The following CA8 variants were observed in gnomAD, a reference collection of about 807,000 sequenced individuals.
CA8 encodes carbonic anhydrase 8 (inactive).
A neutral mutation model predicts 41.4 loss-of-function variants in CA8; 22 were observed. The ratio of observed to expected loss-of-function variants is 0.53; its 90% CI spans 0.38 to 0.76. The LOEUF (loss-of-function observed/expected upper bound fraction) is 0.76. Ranked by LOEUF, CA8 falls within the 30% of genes least tolerant of loss-of-function variation. The pLI is 0.00. For missense variants in CA8, 270 were observed against 352.8 expected, an observed-to-expected ratio of 0.77 and a Z score of 1.88; for synonymous variants, 121 against 130.6, an observed-to-expected ratio of 0.93 and a Z score of 0.50.
intron 8 of CA8, among the ~76,000 whole-genome samples, chr8:60,196,289 C>T (rs1806279220): frequency 6.6e-6 from 1 of 152,142 alleles, no homozygotes; most frequent in Non-Finnish European, 1.5e-5. Flanking sequence ...TGCTAATCCT[C>T]CACAAAGCAC....
At chr8:60,226,200 C>A (rs2130477877) in intron 5 of CA8, among the ~76,000 whole-genome samples, 1 of 152,278 alleles carries the variant, frequency 6.6e-6, no homozygotes, top group Non-Finnish European at 1.5e-5. Flanking sequence ...GTTAACTCAG[C>A]AAGCCTGAGT....
intron 7 of CA8, among the ~76,000 whole-genome samples, chr8:60,220,250 A>C (rs748693203): frequency 9.7e-4 from 147 of 152,250 alleles, no homozygotes; most frequent in Non-Finnish European, 1.3e-3. Context: ...TACCTGGAGG[A>C]ACCAGAAACA....
chr8:60,208,478 G>A (rs1806718122), intron 8 of CA8: 1 of 413,412 alleles, frequency 2.4e-6, no homozygotes, highest in South Asian at 2.3e-5. Context: ...TTCTGGGCCT[G>A]AGGGTGTCTG....
intron 3 of CA8, among the ~76,000 whole-genome samples, chr8:60,262,917 T>C (rs1002200881): frequency 4.6e-5 from 7 of 151,922 alleles, no homozygotes; most frequent in African/African-American, 1.7e-4. Flanking sequence ...CCATTTAAAG[T>C]CCCAAATTGT....
intron 4 of CA8, among the ~76,000 whole-genome samples, chr8:60,230,890 T>G (rs549226179): frequency 6.6e-6 from 1 of 152,266 alleles, no homozygotes; most frequent in Admixed American, 6.5e-5. Flanking sequence ...TCACACCTAA[T>G]TCCATCCACA....
At chr8:60,214,458 T>G (rs528658507) in intron 7 of CA8, among the ~76,000 whole-genome samples, 1 of 152,100 alleles carries the variant, frequency 6.6e-6, no homozygotes, top group South Asian at 2.1e-4. Context: ...GAGAAGAAAA[T>G]CTCCAACAAA....
intron 8 of CA8, chr8:60,208,177 AGATT>A (rs1806705011): frequency 1.3e-5 from 2 of 153,448 alleles, no homozygotes; most frequent in Admixed American, 6.5e-5. Context: ...TAAAATACAT[AGATT>A]ATGTTTCAAT....
At chr8:60,234,238 G>A (rs1328864617) in intron 3 of CA8, among the ~76,000 whole-genome samples, 1 of 152,102 alleles carries the variant, frequency 6.6e-6, no homozygotes, top group Non-Finnish European at 1.5e-5. Context: ...CCTCAAAACG[G>A]TCAAGGTCAT....
At chr8:60,252,879 C>T (rs1266413283) in intron 3 of CA8, among the ~76,000 whole-genome samples, 1 of 151,992 alleles carries the variant, frequency 6.6e-6, no homozygotes, top group Non-Finnish European at 1.5e-5. Context: ...CCCAAGCATT[C>T]CAGATAGGGC....
intron 3 of CA8, among the ~76,000 whole-genome samples, chr8:60,259,312 T>C (rs148413604): frequency 3.7e-4 from 56 of 152,354 alleles, no homozygotes; most frequent in Admixed American, 2.4e-3. Flanking sequence ...TCTATAACCT[T>C]ACCCATACAT....
intron 8 of CA8, among the ~76,000 whole-genome samples, chr8:60,207,679 C>A (rs1806675729): frequency 6.6e-6 from 1 of 152,224 alleles, no homozygotes; most frequent in South Asian, 2.1e-4. Flanking sequence ...TTCTCTCCAC[C>A]TCCACTGTTC....
chr8:60,186,612 G>T lies in CA8; in HGVS notation c.*3409C>A, dbSNP rs1233004322. Among the ~76,000 whole-genome samples, 5 of 151,502 alleles carry T rather than the reference G, an allele frequency of 3.3e-5. No individual in the cohort carries two copies. In the East Asian group the frequency reaches 9.7e-4, roughly 29 times the overall value. ...AAATAATCCAACCAAAAGGCAGAGA[G>T]ACTGTCAGACTGGATTTCAAAAAAA... On this transcript the variant is annotated 3_prime_UTR_variant, in exon 9 of 9. Transcript: ENST00000317995.
intron 3 of CA8, among the ~76,000 whole-genome samples, chr8:60,251,201 G>A (rs926753191): frequency 2.0e-5 from 3 of 152,136 alleles, no homozygotes; most frequent in Admixed American, 6.6e-5. Context: ...AAGGTGGGAG[G>A]AGGAAATCCT....
intron 8 of CA8, among the ~76,000 whole-genome samples, chr8:60,206,297 T>C (rs1007075592): frequency 6.6e-6 from 1 of 152,162 alleles, no homozygotes; most frequent in Non-Finnish European, 1.5e-5. Context: ...ATAAAGAATA[T>C]GAAGTATGTG....
In CA8 at chr8:60,189,113, G is replaced by A. The variant is rs1017350256; in HGVS notation, c.*908C>T. ...TAGTGGCACCTAAAATAAGGATATT[G>A]TTGGTCATCTTTAAAGAAATGTCTT... is the stretch of plus-strand genomic sequence containing the variant. On this transcript the variant is annotated 3_prime_UTR_variant, in exon 9 of 9. Coordinates refer to ENST00000317995, the MANE Select transcript of CA8 (RefSeq NM_004056.6). The A allele has an allele frequency of 3.9e-5, 6 of 152,116 alleles. No homozygotes were observed. In the South Asian group the frequency reaches 6.2e-4, roughly 16 times the overall value. 9.4% of individuals were successfully genotyped at this position (152,116 alleles called of 1,614,324 possible). A position where few individuals can be genotyped will look rare whatever the true frequency, so the allele number is the denominator to read the frequency against.
intron 2 of CA8, among the ~76,000 whole-genome samples, chr8:60,270,141 T>C (rs578121514): frequency 1.3e-5 from 2 of 152,320 alleles, no homozygotes; most frequent in African/African-American, 4.8e-5. Flanking sequence ...CCAGAACCAT[T>C]GAGGGCTTTT....
chr8:60,204,772 C>T (rs1320682205), intron 8 of CA8, among the ~76,000 whole-genome samples: 1 of 152,182 alleles, frequency 6.6e-6, no homozygotes, highest in Non-Finnish European at 1.5e-5. Flanking sequence ...GTTAAATTAT[C>T]AGAGGAGAGT....
At chr8:60,280,268 C>G (rs1280835646) in intron 1 of CA8, among the ~76,000 whole-genome samples, 1 of 152,206 alleles carries the variant, frequency 6.6e-6, no homozygotes, top group Non-Finnish European at 1.5e-5. Context: ...TACTTAGTGA[C>G]AGTCAGAACC....
At position 60,281,393 on chromosome 8, in the gene CA8, T is replaced by G. The variant is rs759512210; in HGVS notation, c.-246A>C. The stretch of plus-strand genomic sequence containing the variant: ...GGCCCCAGCAGAGCGAGGGAGCGGC[T>G]GTGGCCTGGGGAGCGAGCGCCTGGC... On this transcript the variant is annotated 5_prime_UTR_variant, in exon 1 of 9. Coordinates refer to ENST00000317995, the MANE Select transcript of CA8 (RefSeq NM_004056.6). The G allele has an allele frequency of 3.7e-6, 2 of 534,004 alleles. No homozygotes were observed. The highest frequency in any genetic ancestry group is 6.7e-6 in the Non-Finnish European group (2 of 298,430). The allele number at this position is 534,004 out of a possible 1,614,324, so 33.1% of individuals were successfully genotyped here.
Sources: allele counts gnomAD v4.1 joint callset (sites outside exome capture counted in the v4.1 genomes callset), GRCh38; gene constraint gnomAD v4.1.1; transcripts MANE v1.5; gene names NCBI Gene and HGNC (gene_info 2026-07-23, HGNC 2026-07-21).